The following ERC2 variants were observed in gnomAD, a reference collection of about 807,000 sequenced individuals.
ERC2 encodes ERC protein 2.
In ERC2, 42 loss-of-function variants were observed where a neutral mutation model predicts 114.8. That is an observed-to-expected ratio of 0.37 (90% CI 0.29 to 0.47). ERC2 has a LOEUF of 0.47. Ranked by LOEUF, ERC2 falls within the 20% of genes least tolerant of loss-of-function variation. The probability of loss-of-function intolerance (pLI) is 0.99; values close to 1 mark genes in which losing one functional copy is unlikely to be tolerated. For missense variants in ERC2, 939 were observed against 1,150.7 expected (o/e 0.82, Z 2.66); for synonymous variants, 454 against 425.5 (o/e 1.07, Z -0.82).
intron 3 of ERC2, among the ~76,000 whole-genome samples, chr3:56,188,048 C>G (rs1326079732): frequency 6.6e-6 from 1 of 152,086 alleles, no homozygotes; most frequent in Admixed American, 6.6e-5. Flanking sequence ...TGGATTTGCT[C>G]TGATTAATAG....
At chr3:55,856,219 C>T (rs781127406) in intron 14 of ERC2, among the ~76,000 whole-genome samples, 14 of 152,176 alleles carry the variant, frequency 9.2e-5, no homozygotes, top group Non-Finnish European at 2.1e-4. Context: ...AGGCAGCAGG[C>T]TTGGTAGGGC....
At chr3:55,896,064 G>A (rs537872975) in intron 13 of ERC2, among the ~76,000 whole-genome samples, 1 of 152,204 alleles carries the variant, frequency 6.6e-6, no homozygotes, top group Admixed American at 6.5e-5. Flanking sequence ...TGTGGCTTTT[G>A]GTCCTGCTAT....
In ERC2 at chr3:56,154,295, A is replaced by C. The variant is rs114558704; in HGVS notation, c.1150-5163T>G. Among the ~76,000 whole-genome samples the C allele has an allele frequency of 9.0e-3, 1,375 of 152,302 alleles. 27 individuals are homozygous for C. Among genetic ancestry groups the C allele is most frequent in the African/African-American group, 0.03 (1,256 of 41,552 alleles). Reference sequence around the variant, plus strand: ...AAACTCGCCTTCTTGGGCCTTGTCAAACTATAAAAGGTGATGACCTAGATT... The same window carrying C: ...AAACTCGCCTTCTTGGGCCTTGTCACACTATAAAAGGTGATGACCTAGATT... On this transcript the variant is annotated intron_variant, in intron 4 of 17. Coordinates refer to ENST00000288221, the MANE Select transcript of ERC2 (RefSeq NM_015576.3).
At chr3:55,726,303 C>T (rs2064912003) in intron 15 of ERC2, among the ~76,000 whole-genome samples, 1 of 152,236 alleles carries the variant, frequency 6.6e-6, no homozygotes, top group African/African-American at 2.4e-5. Flanking sequence ...GGGAACCCTA[C>T]TGCATGGGGT....
At chr3:56,439,378 C>T (rs764424500) in intron 1 of ERC2, among the ~76,000 whole-genome samples, 1 of 152,108 alleles carries the variant, frequency 6.6e-6, no homozygotes, top group Non-Finnish European at 1.5e-5. Flanking sequence ...CCCAGGAGTT[C>T]GAGGCTACAG....
At chr3:56,150,209 T>C (rs552002945) in intron 4 of ERC2, among the ~76,000 whole-genome samples, 9 of 152,246 alleles carry the variant, frequency 5.9e-5, no homozygotes, top group African/African-American at 1.9e-4. Context: ...GACTAAGAAC[T>C]CCAAAAGTAA....
chr3:55,950,959 A>G (rs1368610437), intron 12 of ERC2, among the ~76,000 whole-genome samples: 1 of 152,244 alleles, frequency 6.6e-6, no homozygotes, highest in African/African-American at 2.4e-5. Flanking sequence ...TGCTGTGGCC[A>G]GGGAAAGCCT....
At chr3:56,161,550 G>C (rs537968417) in intron 4 of ERC2, among the ~76,000 whole-genome samples, 1 of 152,136 alleles carries the variant, frequency 6.6e-6, no homozygotes, top group East Asian at 1.9e-4. Context: ...TTTTCCATTT[G>C]TTTATGTCAT....
chr3:56,444,852 T>C (rs1430802363), intron 1 of ERC2, among the ~76,000 whole-genome samples: 1 of 152,222 alleles, frequency 6.6e-6, no homozygotes, highest in South Asian at 2.1e-4. Flanking sequence ...TCCTTTTTTT[T>C]CTAATCAGCA....
chr3:56,131,312 C>T (rs1225895387), intron 6 of ERC2, among the ~76,000 whole-genome samples: 6 of 152,158 alleles, frequency 3.9e-5, no homozygotes, highest in Admixed American at 2.6e-4. Flanking sequence ...AGGAAAAATA[C>T]AAATGACACC....
chr3:55,846,051 C>A (rs2061348921), intron 14 of ERC2, among the ~76,000 whole-genome samples: 1 of 152,118 alleles, frequency 6.6e-6, no homozygotes, highest in Non-Finnish European at 1.5e-5. Context: ...ATATAGGTAA[C>A]CTCATGTCAC....
intron 14 of ERC2, among the ~76,000 whole-genome samples, chr3:55,783,846 G>A (rs1354834607): frequency 1.3e-5 from 2 of 152,306 alleles, no homozygotes; most frequent in Non-Finnish European, 2.9e-5. Context: ...AAAAGGACGG[G>A]ACAATAACCA....
intron 15 of ERC2, among the ~76,000 whole-genome samples, chr3:55,726,463 C>T (rs2064924339): frequency 6.6e-6 from 1 of 152,230 alleles, no homozygotes; most frequent in Admixed American, 6.5e-5. Flanking sequence ...ACACTCCACT[C>T]AGGTGCTTCT....
At position 56,212,492 on chromosome 3, in the gene ERC2, T is replaced by C. The variant is rs191009834; in HGVS notation, c.1075-38972A>G. Among the ~76,000 whole-genome samples the C allele has an allele frequency of 8.3e-4, 127 of 152,262 alleles. 1 individual carries two copies. Among genetic ancestry groups the C allele is most frequent in the Non-Finnish European group, 1.4e-3 (92 of 68,018 alleles). On this transcript the variant is annotated intron_variant, in intron 3 of 17. Coordinates refer to ENST00000288221, the MANE Select transcript of ERC2 (RefSeq NM_015576.3). The stretch of plus-strand genomic sequence containing the variant: ...TGGACGTGGTAAAAAAGGAACACTT[T>C]TACACTACTGGTGGGAATGTAAATT...
intron 2 of ERC2, among the ~76,000 whole-genome samples, chr3:56,416,219 C>T (rs984264775): frequency 9.2e-5 from 14 of 152,116 alleles, no homozygotes; most frequent in African/African-American, 3.1e-4. Context: ...ACTTCTACTC[C>T]ACACCTACTA....
intron 4 of ERC2, among the ~76,000 whole-genome samples, chr3:56,157,253 AC>A (rs2081779909): frequency 6.6e-6 from 1 of 152,118 alleles, no homozygotes; most frequent in Non-Finnish European, 1.5e-5. Context: ...TCTTTCTTCC[AC>A]AGTAATTTTA....
chr3:56,147,822 A>C (rs1258185489), intron 5 of ERC2, among the ~76,000 whole-genome samples: 1 of 152,236 alleles, frequency 6.6e-6, no homozygotes, highest in African/African-American at 2.4e-5. Context: ...AGCATCTCAC[A>C]GTCTCAAAAG....
chr3:56,133,305 T>C (rs1388525653), intron 6 of ERC2, among the ~76,000 whole-genome samples: 1 of 152,042 alleles, frequency 6.6e-6, no homozygotes, highest in Non-Finnish European at 1.5e-5. Context: ...GGTATGGTGT[T>C]GCATGCCTAT....
intron 3 of ERC2, among the ~76,000 whole-genome samples, chr3:56,229,865 T>C (rs1052454971): frequency 2.4e-5 from 3 of 123,012 alleles, no homozygotes; most frequent in Non-Finnish European, 5.0e-5. Flanking sequence ...ATCTAGTCTT[T>C]TTTTTTTTTT....
Sources: gnomAD v4.1 joint callset for allele counts (sites outside exome capture counted in the v4.1 genomes callset) on GRCh38, gnomAD v4.1.1 for gene constraint, MANE v1.5 for transcripts, NCBI Gene and HGNC (gene_info 2026-07-23, HGNC 2026-07-21) for gene names.